The following TANK variants were observed in gnomAD, a reference collection of about 807,000 sequenced individuals.
TANK encodes the protein TRAF family member associated NFKB activator, also known as TRAF family member-associated NF-kappa-B activator.
TANK carries 15 observed loss-of-function variants against 43.6 expected under a neutral mutation model. The observed-to-expected ratio is 0.34, with a 90% confidence interval of 0.23 to 0.53. TANK has a LOEUF of 0.53. TANK is among the 20% of genes least tolerant of loss of function. The probability of loss-of-function intolerance (pLI) is 0.94; values close to 1 mark genes in which losing one functional copy is unlikely to be tolerated. For synonymous variants in TANK, 162 were observed against 178.2 expected, an observed-to-expected ratio of 0.91 and a Z score of 0.73; for missense variants, 417 against 498.6, an observed-to-expected ratio of 0.84 and a Z score of 1.56.
Position 161,206,339 on chromosome 2 carries a change from CA to C in TANK, c.327+1549del, listed in dbSNP as rs1344802721. 2.0e-5 allele frequency among the ~76,000 whole-genome samples: 3 copies of C among 151,990 alleles called. No individual in the cohort carries two copies. In the East Asian group the frequency reaches 5.8e-4, roughly 29 times the overall value. ...TTTTGAATAAAATACGAACTCCTAGCAAATAAGGTTTCTTAACATCAACAAG... is the reference window on the plus strand; with the variant it reads ...TTTTGAATAAAATACGAACTCCTAGCAATAAGGTTTCTTAACATCAACAAG... On this transcript the variant is annotated intron_variant, in intron 4 of 7. Transcript: ENST00000392749.
chr2:161,202,025 G>C (rs1416119699), intron 2 of TANK, among the ~76,000 whole-genome samples: 1 of 152,088 alleles, frequency 6.6e-6, no homozygotes, highest in African/African-American at 2.4e-5. Context: ...GAATTCTGTG[G>C]GGAATGTGAA....
chr2:161,186,015 A>G (rs1685647249), intron 2 of TANK, among the ~76,000 whole-genome samples: 1 of 152,304 alleles, frequency 6.6e-6, no homozygotes, highest in Middle Eastern at 3.4e-3. Flanking sequence ...AAAATTATGA[A>G]CAAAATTAGC....
chr2:161,185,112 A>C (rs1685598191), intron 2 of TANK, among the ~76,000 whole-genome samples: 1 of 152,194 alleles, frequency 6.6e-6, no homozygotes. Context: ...AATATTTTAC[A>C]GAATAGGCAT....
intron 1 of TANK, among the ~76,000 whole-genome samples, chr2:161,143,813 A>G (rs768659623): frequency 1.6e-4 from 25 of 152,112 alleles, no homozygotes; most frequent in Non-Finnish European, 3.2e-4. Flanking sequence ...TGGTATCAGG[A>G]TGATGCTGGC....
At chr2:161,139,767 T>G in intron 1 of TANK, 1 of 985,392 alleles carries the variant, frequency 1.0e-6, no homozygotes, top group Non-Finnish European at 1.2e-6. Context: ...CAATGTGACA[T>G]AAGCCAAGTA....
At chr2:161,163,996 CTA>C (rs1430276050) in intron 1 of TANK, among the ~76,000 whole-genome samples, 3 of 152,300 alleles carry the variant, frequency 2.0e-5, no homozygotes, top group African/African-American at 7.2e-5. Context: ...CAGTTTGCAT[CTA>C]TGAACTGTGG....
At chr2:161,184,482 A>C (rs549786299) in intron 2 of TANK, among the ~76,000 whole-genome samples, 52 of 152,342 alleles carry the variant, frequency 3.4e-4, no homozygotes, top group South Asian at 8.3e-4. Flanking sequence ...TAATATACAT[A>C]CTAAATGTAT....
intron 2 of TANK, among the ~76,000 whole-genome samples, chr2:161,198,746 TA>T (rs1479702896): frequency 6.6e-6 from 1 of 152,216 alleles, no homozygotes; most frequent in African/African-American, 2.4e-5. Flanking sequence ...CACAGGATTG[TA>T]AAATAAAAAT....
chr2:161,142,660 T>C (rs1683784869), intron 1 of TANK, among the ~76,000 whole-genome samples: 1 of 152,178 alleles, frequency 6.6e-6, no homozygotes. Flanking sequence ...CTGAGGTCTC[T>C]GTTCTGCTCC....
At chr2:161,185,875 A>C (rs954734867) in intron 2 of TANK, among the ~76,000 whole-genome samples, 2 of 152,202 alleles carry the variant, frequency 1.3e-5, no homozygotes, top group African/African-American at 4.8e-5. Flanking sequence ...AAAAAATAAT[A>C]ATAATTCATG....
upstream of TANK, chr2:161,156,373 T>C: frequency 8.1e-6 from 8 of 985,378 alleles, no homozygotes; most frequent in Non-Finnish European, 9.6e-6. Flanking sequence ...TTTGGTTTTA[T>C]TTCACCTTGT....
intron 4 of TANK, chr2:161,212,860 T>A: frequency 1.3e-6 from 1 of 753,554 alleles, no homozygotes; most frequent in Non-Finnish European, 1.6e-6. Context: ...AAGGAATACC[T>A]GAGGCTGGGG....
At chr2:161,225,394 T>C (rs546923632) in intron 6 of TANK, among the ~76,000 whole-genome samples, 55 of 152,214 alleles carry the variant, frequency 3.6e-4, no homozygotes, top group African/African-American at 1.3e-3. Context: ...ATTTCCTGAG[T>C]GCTAGTTGTG....
At chr2:161,179,363 T>C in intron 1 of TANK, 2 of 380,358 alleles carry the variant, frequency 5.3e-6, no homozygotes, top group Admixed American at 8.9e-5. Flanking sequence ...TATAGATTAG[T>C]ATTCTCAAAG....
At chr2:161,139,516 CCATGT>C (rs1683681102) in intron 1 of TANK, among the ~76,000 whole-genome samples, 2 of 152,164 alleles carry the variant, frequency 1.3e-5, no homozygotes, top group South Asian at 4.1e-4. Flanking sequence ...TTTAAAAAGT[CCATGT>C]CATCAAATAT....
intron 4 of TANK, among the ~76,000 whole-genome samples, chr2:161,214,619 A>T (rs997485918): frequency 6.6e-6 from 1 of 151,694 alleles, no homozygotes; most frequent in Non-Finnish European, 1.5e-5. Flanking sequence ...TTGTTTTTGC[A>T]TCATCAGTCT....
chr2:161,201,169 T>C (rs1025619279), intron 2 of TANK: 2 of 985,320 alleles, frequency 2.0e-6, no homozygotes, highest in African/African-American at 3.5e-5. Context: ...TTAAAATTAT[T>C]GTAGACTTTG....
At chr2:161,186,782 G>A (rs878921272) in intron 2 of TANK, among the ~76,000 whole-genome samples, 1 of 152,096 alleles carries the variant, frequency 6.6e-6, no homozygotes, top group Admixed American at 6.6e-5. Flanking sequence ...ACTGACAAGG[G>A]ATTAATAAGC....
chr2:161,160,342 T>G (rs1684352858), upstream of TANK: 2 of 987,028 alleles, frequency 2.0e-6, no homozygotes, highest in African/African-American at 3.4e-5. Context: ...GGCCCTGGCC[T>G]TGTTGGGTGG....
Sources: allele counts gnomAD v4.1 joint callset (sites outside exome capture counted in the v4.1 genomes callset), GRCh38; gene constraint gnomAD v4.1.1; transcripts MANE v1.5; gene names NCBI Gene and HGNC (gene_info 2026-07-23, HGNC 2026-07-21).